SLMAP: variants seen among roughly 807,000 people sequenced by gnomAD.
The protein encoded by SLMAP is sarcolemmal membrane-associated protein.
SLMAP carries 44 observed loss-of-function variants against 128.8 expected under a neutral mutation model. That is an observed-to-expected ratio of 0.34 (90% CI 0.27 to 0.44). The LOEUF is 0.44. Among genes scored for constraint, SLMAP ranks in the 20% least tolerant of loss-of-function variants. The probability of loss-of-function intolerance (pLI) is 1.00; values close to 1 mark genes in which losing one functional copy is unlikely to be tolerated. For missense variants in SLMAP, 787 were observed against 985.3 expected (o/e 0.80, Z 2.69); for synonymous variants, 327 against 348.8 (o/e 0.94, Z 0.70).
In SLMAP at chr3:57,927,285, T is replaced by C. The variant is rs1489733774; in HGVS notation, c.*7-11T>C. The stretch of plus-strand genomic sequence containing the variant: ...GAATGTGATATTGACTCTTGGTTTC[T>C]TTCCACACAGAAACCCTGGCCCTGG... On this transcript the variant is annotated splice_polypyrimidine_tract_variant and intron_variant, in intron 24 of 24. Coordinates refer to ENST00000671191, the MANE Select transcript of SLMAP (RefSeq NM_001377540.1). 6 of 1,594,634 alleles carry C rather than the reference T, an allele frequency of 3.8e-6. No individual in the cohort carries two copies. Among genetic ancestry groups the C allele is most frequent in the African/African-American group, 1.3e-5 (1 of 74,670 alleles).
intron 14 of SLMAP, among the ~76,000 whole-genome samples, chr3:57,889,664 A>G (rs2096006090): frequency 1.3e-5 from 2 of 152,186 alleles, no homozygotes; most frequent in African/African-American, 4.8e-5. Flanking sequence ...AACTATCGAT[A>G]TAACTTAATT....
intron 2 of SLMAP, among the ~76,000 whole-genome samples, chr3:57,811,030 A>C (rs559519318): frequency 1.1e-3 from 171 of 151,934 alleles, no homozygotes; most frequent in African/African-American, 4.0e-3. Flanking sequence ...CTTCCCCTGA[A>C]CTCTAGGCTC....
chr3:57,924,746 A>G (rs1406840424), intron 23 of SLMAP, among the ~76,000 whole-genome samples: 2 of 152,050 alleles, frequency 1.3e-5, no homozygotes, highest in African/African-American at 2.4e-5. Context: ...ATCACAGGGC[A>G]TTTATTTTGA....
intron 2 of SLMAP, among the ~76,000 whole-genome samples, chr3:57,787,344 G>A (rs566137134): frequency 5.9e-5 from 9 of 151,876 alleles, no homozygotes; most frequent in South Asian, 2.1e-4. Flanking sequence ...CCCATTAATC[G>A]ATTGCTTTGT....
intron 14 of SLMAP, among the ~76,000 whole-genome samples, chr3:57,872,175 G>A (rs950708328): frequency 1.1e-4 from 17 of 152,178 alleles, no homozygotes; most frequent in African/African-American, 3.6e-4. Context: ...GGTGGCGCAC[G>A]CCTATAATCG....
chr3:57,869,970 CTCTA>C (rs1197865036), intron 13 of SLMAP, among the ~76,000 whole-genome samples: 11 of 151,596 alleles, frequency 7.3e-5, no homozygotes, highest in Non-Finnish European at 1.3e-4. Flanking sequence ...TAGAGTGGTT[CTCTA>C]TCTTTTTATA....
chr3:57,872,926 C>T (rs749362112), intron 14 of SLMAP, among the ~76,000 whole-genome samples: 1 of 152,108 alleles, frequency 6.6e-6, no homozygotes, highest in Non-Finnish European at 1.5e-5. Flanking sequence ...CTCATAATTT[C>T]ATTTTGTGGA....
At position 57,862,060 on chromosome 3, in the gene SLMAP, A is replaced by G. The variant is rs776232087; in HGVS notation, c.940A>G (p.Ile314Val). The change falls in exon 10 of 25, where the codon ATT becomes GTT. Residue 314 changes from isoleucine to valine, a missense_variant. Physicochemically the swap from Ile to Val is conservative, Grantham distance 29 (BLOSUM62 3). Transcript: ENST00000671191. The stretch of plus-strand genomic sequence containing the variant: ...CAAATATAATGGAGCAGTTAATGAG[A>G]TTAAAGATTTATCTGATAAATTAAA... ...ANKYNGAVNE[I>V]KDLSDKLKVA... The G allele has an allele frequency of 3.0e-5, 47 of 1,588,554 alleles. No individual in the cohort carries two copies. Among genetic ancestry groups the G allele is most frequent in the Non-Finnish European group, 3.7e-5 (43 of 1,157,574 alleles).
chr3:57,862,171 C>T (rs2095098923), intron 10 of SLMAP, 85 bp downstream of exon 10: 1 of 1,160,314 alleles, frequency 8.6e-7, no homozygotes, highest in Non-Finnish European at 1.2e-6. Flanking sequence ...ATTGCTTTAG[C>T]TGGGCGTGGG....
At chr3:57,895,249 A>G (rs1048642682) in intron 15 of SLMAP, among the ~76,000 whole-genome samples, 1 of 152,186 alleles carries the variant, frequency 6.6e-6, no homozygotes, top group Non-Finnish European at 1.5e-5. Flanking sequence ...ATTTCTGAGG[A>G]CAGTTCTTTG....
At chr3:57,888,073 A>G (rs1019663024) in intron 14 of SLMAP, among the ~76,000 whole-genome samples, 3 of 152,212 alleles carry the variant, frequency 2.0e-5, no homozygotes, top group Non-Finnish European at 4.4e-5. Context: ...TTTTCAGGAA[A>G]TTATAAGAGG....
At chr3:57,818,305 G>A (rs556752895) in intron 2 of SLMAP, among the ~76,000 whole-genome samples, 7 of 152,058 alleles carry the variant, frequency 4.6e-5, no homozygotes, top group Non-Finnish European at 7.4e-5. Context: ...ACAGGCATGC[G>A]CCACCACACC....
At chr3:57,830,249 C>T (rs971869853) in intron 2 of SLMAP, among the ~76,000 whole-genome samples, 1 of 152,152 alleles carries the variant, frequency 6.6e-6, no homozygotes, top group Non-Finnish European at 1.5e-5. Flanking sequence ...CTCAAGTGAT[C>T]TGCCCGCCTC....
In SLMAP at chr3:57,916,956, T is replaced by A. The variant is rs371314097; in HGVS notation, c.2189T>A (p.Met730Lys). 4.5e-5 allele frequency: 73 copies of A among 1,613,824 alleles called. No homozygotes were observed. The highest frequency in any genetic ancestry group is 5.8e-5 in the Non-Finnish European group (68 of 1,179,922). Reference protein sequence around the residue: ...ELTSDLSILQMSRKELENQVG... With the variant: ...ELTSDLSILQKSRKELENQVG... ...ACCAGTGATCTCAGCATCCTTCAAA[T>A]GTCTAGGAAAGAACTTGAGAATCAA... Residue 730 changes from methionine (M) to lysine (K), a missense_variant, in exon 22 of 25, where the codon ATG becomes AAG. Transcript: ENST00000671191.
Position 57,922,890 on chromosome 3 carries a change from A to G in SLMAP, c.2312A>G (p.Tyr771Cys), listed in dbSNP as rs150383595. ...CACTTTTTTTTTCTTTGCCTTTAGT[A>G]TGAAAAGACACAGACTGTACTCTCA... is the stretch of plus-strand genomic sequence containing the variant. ...ENQAKDVQKE[Y>C]EKTQTVLSEL... The change falls in exon 23 of 25, where the codon TAT becomes TGT. Residue 771 changes from tyrosine to cysteine, a missense_variant and splice_region_variant. By Grantham distance (194) the Tyr-to-Cys change is radical. This residue lies in a region of SLMAP where 715 missense variants were observed against 843.6 expected (regional missense o/e 0.85). Coordinates refer to ENST00000671191, the MANE Select transcript of SLMAP (RefSeq NM_001377540.1). 5.6e-6 allele frequency: 9 copies of G among 1,610,568 alleles called. No homozygotes were observed. The African/African-American group carries it at 9.4e-5, about 17-fold the overall frequency.
chr3:57,774,654 A>AGCGG (rs2081472227), intron 2 of SLMAP, among the ~76,000 whole-genome samples: 1 of 151,890 alleles, frequency 6.6e-6, no homozygotes, highest in Admixed American at 6.6e-5. Flanking sequence ...CCTCCCATGT[A>AGCGG]GCGGGCATTA....
At chr3:57,763,682 T>C (rs2079116318) in intron 2 of SLMAP, among the ~76,000 whole-genome samples, 1 of 152,182 alleles carries the variant, frequency 6.6e-6, no homozygotes, top group South Asian at 2.1e-4. Flanking sequence ...ATTTCTTCTT[T>C]CTAGGAACTT....
intron 2 of SLMAP, among the ~76,000 whole-genome samples, chr3:57,778,419 C>T (rs2082332046): frequency 1.4e-5 from 2 of 147,324 alleles, no homozygotes; most frequent in South Asian, 4.3e-4. Context: ...CATTATTGTT[C>T]TTCTTAAAGA....
At chr3:57,899,662 C>T (rs2096324880) in intron 17 of SLMAP, 1 of 152,126 alleles carries the variant, frequency 6.6e-6, no homozygotes, top group African/African-American at 2.4e-5. Flanking sequence ...AGCCTCCCAC[C>T]TCAGCTTCCC....
Sources: gnomAD v4.1 joint callset for allele counts (sites outside exome capture counted in the v4.1 genomes callset) on GRCh38, gnomAD v4.1.1 for gene constraint, gnomAD v4.1.1 regional missense constraint, MANE v1.5 for transcripts, NCBI Gene and HGNC (gene_info 2026-07-23, HGNC 2026-07-21) for gene names.